The following OR8I2 variants were observed in gnomAD, a reference collection of about 807,000 sequenced individuals.
OR8I2 encodes olfactory receptor family 8 subfamily I member 2.
For missense variants in OR8I2, 431 were observed against 368.3 expected, an observed-to-expected ratio of 1.17 and a Z score of -1.39; for synonymous variants, 158 against 142.8, an observed-to-expected ratio of 1.11 and a Z score of -0.76.
In OR8I2 at chr11:56,093,326, A is replaced by G; in HGVS notation, c.19A>G (p.Thr7Ala). 1 of 1,578,622 alleles carries G rather than the reference A, an allele frequency of 6.3e-7. No homozygotes were observed. The highest frequency in any genetic ancestry group is 8.6e-7 in the Non-Finnish European group (1 of 1,165,032). MAGNNF[T>A]EVTVFILSGF... ...GATGTAAATGGCTGGCAACAATTTC[A>G]CTGAGGTTACCGTCTTCATCCTCTC... is the stretch of plus-strand genomic sequence containing the variant. Residue 7 changes from threonine to alanine, a missense_variant, in exon 1 of 1, where the codon ACT becomes GCT. By Grantham distance (58) the Thr-to-Ala change is moderately conservative (BLOSUM62 0). Transcript: ENST00000302124.
rs748797357 is a variant in OR8I2, at chr11:56,093,581, A to G, written c.274A>G (p.Ile92Val). Residue 92 changes from isoleucine (I) to valine (V), a missense_variant, in exon 1 of 1, where the codon ATC becomes GTC. Coordinates refer to ENST00000302124, the MANE Select transcript of OR8I2 (RefSeq NM_001003750.1). ...GAATTTCCAATCCAATCGGAGATCC[A>G]TCTCCTTTGTTGGCTGCTTTGTTCA... ...LVNFQSNRRS[I>V]SFVGCFVQMY... The G allele has an allele frequency of 6.2e-7, 1 of 1,613,834 alleles. No individual in the cohort carries two copies. Among genetic ancestry groups the G allele is most frequent in the African/African-American group, 1.3e-5 (1 of 74,928 alleles).
Position 56,094,063 on chromosome 11 carries a change from G to A in OR8I2, c.756G>A (p.Gly252=), listed in dbSNP as rs1401881810. 5.0e-6 allele frequency: 8 copies of A among 1,613,892 alleles called. No homozygotes were observed. Among genetic ancestry groups the A allele is most frequent in the Non-Finnish European group, 6.8e-6 (8 of 1,179,980 alleles). ...SHLMAVTIFY[G]SLIFTYLQPD... is the part of the protein sequence containing the mutation. ...TCATGGCTGTAACTATCTTTTATGG[G>A]TCTCTGATTTTCACCTATTTGCAAC... The change falls in exon 1 of 1, where the codon GGG becomes GGA. Residue 252 remains glycine (G), a synonymous_variant. Transcript: ENST00000302124.
In OR8I2 at chr11:56,093,649, TC is replaced by T; in HGVS notation, c.343del (p.Leu115TrpfsTer10). ...GATTGGTGTGTTGTGAGTGTTTCCT[TC>T]TGGGATCAATGGCCTACAATCGCTA... ...VGLVCCECFLLGSMAYNRYIA... is the reference protein window; with the variant it reads ...VGLVCCECFLXGSMAYNRYIA... On this transcript the variant is annotated frameshift_variant, in exon 1 of 1. Coordinates refer to ENST00000302124, the MANE Select transcript of OR8I2 (RefSeq NM_001003750.1). LOFTEE classifies it low-confidence loss of function (END_TRUNC). The T allele has an allele frequency of 6.2e-7, 1 of 1,614,016 alleles. No homozygotes were observed. Among genetic ancestry groups the T allele is most frequent in the Non-Finnish European group, 8.5e-7 (1 of 1,179,972 alleles).
Position 56,093,842 on chromosome 11 carries a change from G to T in OR8I2, c.535G>T (p.Asp179Tyr), listed in dbSNP as rs140511525. Residue 179 changes from aspartate (D) to tyrosine (Y), a missense_variant, in exon 1 of 1, where the codon GAC becomes TAC. Physicochemically the swap from Asp to Tyr is radical, Grantham distance 160. Transcript: ENST00000302124. ...TTCCAGCATCAATCATTTTTTTTGTGACACCACAGCTCTTTTAGCACTCTC... is the reference window on the plus strand; with the variant it reads ...TTCCAGCATCAATCATTTTTTTTGTTACACCACAGCTCTTTTAGCACTCTC... Reference protein sequence around the residue: ...CDSSINHFFCDTTALLALSCV... With the variant: ...CDSSINHFFCYTTALLALSCV... The T allele has an allele frequency of 1.2e-6, 2 of 1,613,846 alleles. No individual in the cohort carries two copies. Among genetic ancestry groups the T allele is most frequent in the Admixed American group, 3.3e-5 (2 of 59,962 alleles).
chr11:56,093,810 T>G lies in OR8I2; in HGVS notation c.503T>G (p.Phe168Cys). The change falls in exon 1 of 1, where the codon TTC becomes TGC. Residue 168 changes from phenylalanine to cysteine, a missense_variant. Physicochemically the swap from Phe to Cys is radical, Grantham distance 205. Transcript: ENST00000302124. ...GTCTGGGTGATAAGCAGTTTGGCGT[T>G]CTGTGATTCCAGCATCAATCATTTT... ...ISVWVISSLA[F>C]CDSSINHFFC... 1.2e-6 allele frequency: 2 copies of G among 1,613,856 alleles called. No individual in the cohort carries two copies. Among genetic ancestry groups the G allele is most frequent in the Non-Finnish European group, 1.7e-6 (2 of 1,179,850 alleles).
rs138809986 is a variant in OR8I2 at position 56,093,841 on chromosome 11, T to G, written c.534T>G (p.Cys178Trp). The G allele has an allele frequency of 6.2e-7, 1 of 1,614,064 alleles. No individual in the cohort carries two copies. Among genetic ancestry groups the G allele is most frequent in the Non-Finnish European group, 8.5e-7 (1 of 1,179,976 alleles). The change falls in exon 1 of 1, where the codon TGT (cysteine) becomes TGG (tryptophan). Residue 178 changes from cysteine (C) to tryptophan (W), a missense_variant. Physicochemically the swap from Cys to Trp is radical, Grantham distance 215. Coordinates refer to ENST00000302124, the MANE Select transcript of OR8I2 (RefSeq NM_001003750.1). Reference protein sequence around the residue: ...FCDSSINHFFCDTTALLALSC... With the variant: ...FCDSSINHFFWDTTALLALSC... ...ATTCCAGCATCAATCATTTTTTTTG[T>G]GACACCACAGCTCTTTTAGCACTCT...
Position 56,093,702 on chromosome 11 carries a change from A to G in OR8I2, c.395A>G (p.Tyr132Cys). Residue 132 changes from tyrosine (Y) to cysteine (C), a missense_variant, in exon 1 of 1, where the codon TAT becomes TGT. Physicochemically the swap from Tyr to Cys is radical, Grantham distance 194 (BLOSUM62 -2). Coordinates refer to ENST00000302124, the MANE Select transcript of OR8I2 (RefSeq NM_001003750.1). ...ATAGCAATCTGCAATCCCTTACTGT[A>G]TTCAGTAGTCATGTCCCAAAAAGTG... ...RYIAICNPLL[Y>C]SVVMSQKVSN... The G allele has an allele frequency of 3.7e-6, 6 of 1,613,976 alleles. No homozygotes were observed. The highest frequency in any genetic ancestry group is 5.1e-6 in the Non-Finnish European group (6 of 1,179,936).
At position 56,093,591 on chromosome 11, in the gene OR8I2, T is replaced by C; in HGVS notation, c.284T>C (p.Val95Ala). Residue 95 changes from valine to alanine, a missense_variant, in exon 1 of 1, where the codon GTT becomes GCT. Transcript: ENST00000302124. ...TCCAATCGGAGATCCATCTCCTTTG[T>C]TGGCTGCTTTGTTCAAATGTACTTT... ...FQSNRRSISF[V>A]GCFVQMYFFV... 1 of 1,614,002 alleles carries C rather than the reference T, an allele frequency of 6.2e-7. No homozygotes were observed. The highest frequency in any genetic ancestry group is 8.5e-7 in the Non-Finnish European group (1 of 1,179,978).
Position 56,093,384 on chromosome 11 carries a change from GT to G in OR8I2, c.78del (p.Leu27PhefsTer3). 6.2e-7 allele frequency: 1 copy of G among 1,613,218 alleles called. No individual in the cohort carries two copies. Among genetic ancestry groups the G allele is most frequent in the Non-Finnish European group, 8.5e-7 (1 of 1,179,584 alleles). ...GCAAATCACCCTGAATTACAAGTCA[GT>G]CTTTTCTTGATGTTTCTCTTCATTT... ...GFANHPELQV[S>X]LFLMFLFIYL... On this transcript the variant is annotated frameshift_variant, in exon 1 of 1. Coordinates refer to ENST00000302124, the MANE Select transcript of OR8I2 (RefSeq NM_001003750.1). LOFTEE classifies it low-confidence loss of function (END_TRUNC).
chr11:56,093,581 A>T lies in OR8I2; in HGVS notation c.274A>T (p.Ile92Phe), dbSNP rs748797357. Residue 92 changes from isoleucine (I) to phenylalanine (F), a missense_variant, in exon 1 of 1, where the codon ATC (isoleucine) becomes TTC (phenylalanine). Ile to Phe is a conservative substitution (Grantham distance 21, BLOSUM62 0). Transcript: ENST00000302124. ...GAATTTCCAATCCAATCGGAGATCCATCTCCTTTGTTGGCTGCTTTGTTCA... is the reference window on the plus strand; with the variant it reads ...GAATTTCCAATCCAATCGGAGATCCTTCTCCTTTGTTGGCTGCTTTGTTCA... Reference protein sequence around the residue: ...LVNFQSNRRSISFVGCFVQMY... With the variant: ...LVNFQSNRRSFSFVGCFVQMY... The T allele has an allele frequency of 6.2e-7, 1 of 1,613,952 alleles. No homozygotes were observed. Among genetic ancestry groups the T allele is most frequent in the Non-Finnish European group, 8.5e-7 (1 of 1,179,962 alleles).
chr11:56,093,869 T>C lies in OR8I2; in HGVS notation c.562T>C (p.Cys188Arg). 1 of 1,614,052 alleles carries C rather than the reference T, an allele frequency of 6.2e-7. No homozygotes were observed. The highest frequency in any genetic ancestry group is 1.3e-5 in the African/African-American group (1 of 75,052). Residue 188 changes from cysteine to arginine, a missense_variant, in exon 1 of 1, where the codon TGT (cysteine) becomes CGT (arginine). Coordinates refer to ENST00000302124, the MANE Select transcript of OR8I2 (RefSeq NM_001003750.1). ...CACCACAGCTCTTTTAGCACTCTCC[T>C]GTGTAGATACATTCGGCACAGAAAT... ...CDTTALLALS[C>R]VDTFGTEMVS...
Position 56,093,689 on chromosome 11 carries a change from A to C in OR8I2, c.382A>C (p.Asn128His). ...MAYNRYIAIC[N>H]PLLYSVVMSQ... ...CTACAATCGCTACATAGCAATCTGC[A>C]ATCCCTTACTGTATTCAGTAGTCAT... Residue 128 changes from asparagine to histidine, a missense_variant, in exon 1 of 1, where the codon AAT becomes CAT. Physicochemically the swap from Asn to His is moderately conservative, Grantham distance 68. Transcript: ENST00000302124. The C allele has an allele frequency of 6.2e-7, 1 of 1,614,024 alleles. No homozygotes were observed. Among genetic ancestry groups the C allele is most frequent in the Non-Finnish European group, 8.5e-7 (1 of 1,179,938 alleles).
Position 56,094,047 on chromosome 11 carries a change from T to A in OR8I2, c.740T>A (p.Val247Glu). 1 of 1,614,032 alleles carries A rather than the reference T, an allele frequency of 6.2e-7. No homozygotes were observed. Among genetic ancestry groups the A allele is most frequent in the Non-Finnish European group, 8.5e-7 (1 of 1,180,000 alleles). Residue 247 changes from valine to glutamate, a missense_variant, in exon 1 of 1, where the codon GTA (valine) becomes GAA (glutamate). Coordinates refer to ENST00000302124, the MANE Select transcript of OR8I2 (RefSeq NM_001003750.1). ...ACCTGCGCATCCCACCTCATGGCTG[T>A]AACTATCTTTTATGGGTCTCTGATT... ...FSTCASHLMA[V>E]TIFYGSLIFT... is the part of the protein sequence containing the mutation.
rs138846423 is a variant in OR8I2 at position 56,093,572 on chromosome 11, C to A, written c.265C>A (p.Arg89=). 791 of 1,613,970 alleles carry A rather than the reference C, an allele frequency of 4.9e-4. No homozygotes were observed. The highest frequency in any genetic ancestry group is 6.3e-4 in the Non-Finnish European group (740 of 1,179,960). ...PKALVNFQSN[R]RSISFVGCFV... is the part of the protein sequence containing the mutation. ...GGCATTGGTGAATTTCCAATCCAAT[C>A]GGAGATCCATCTCCTTTGTTGGCTG... The change falls in exon 1 of 1, where the codon CGG becomes AGG. Residue 89 remains arginine (R), a synonymous_variant. Transcript: ENST00000302124.
chr11:56,093,419 A>G lies in OR8I2; in HGVS notation c.112A>G (p.Thr38Ala). The part of the protein sequence containing the change: ...FLMFLFIYLF[T>A]VLGNLGLITL... ...GATGTTTCTCTTCATTTATCTATTC[A>G]CTGTTTTGGGAAACCTGGGACTGAT... Residue 38 changes from threonine (T) to alanine (A), a missense_variant, in exon 1 of 1, where the codon ACT (threonine) becomes GCT (alanine). By Grantham distance (58) the Thr-to-Ala change is moderately conservative. Transcript: ENST00000302124. 1.9e-6 allele frequency: 3 copies of G among 1,613,714 alleles called. No individual in the cohort carries two copies. The highest frequency in any genetic ancestry group is 2.2e-5 in the East Asian group (1 of 44,846).
chr11:56,093,472 T>A lies in OR8I2; in HGVS notation c.165T>A (p.Leu55=). The change falls in exon 1 of 1, where the codon CTT becomes CTA. Residue 55 remains leucine, a synonymous_variant. Coordinates refer to ENST00000302124, the MANE Select transcript of OR8I2 (RefSeq NM_001003750.1). ...CGTTAATCAGAATGGATTCTCAGCT[T>A]CACACCCCTATGTACTTTTTCCTGA... is the stretch of plus-strand genomic sequence containing the variant. The part of the protein sequence containing the change: ...LITLIRMDSQ[L]HTPMYFFLSN... 6.2e-7 allele frequency: 1 copy of A among 1,613,966 alleles called. No homozygotes were observed. The highest frequency in any genetic ancestry group is 8.5e-7 in the Non-Finnish European group (1 of 1,179,908).
In OR8I2 at chr11:56,093,406, C is replaced by T. The variant is rs200412583; in HGVS notation, c.99C>T (p.Phe33=). The change falls in exon 1 of 1, where the codon TTC becomes TTT. Residue 33 remains phenylalanine (F), a synonymous_variant. Coordinates refer to ENST00000302124, the MANE Select transcript of OR8I2 (RefSeq NM_001003750.1). ...LQVSLFLMFL[F]IYLFTVLGNL... ...TCAGTCTTTTCTTGATGTTTCTCTT[C>T]ATTTATCTATTCACTGTTTTGGGAA... 31 of 1,613,612 alleles carry T rather than the reference C, an allele frequency of 1.9e-5. No individual in the cohort carries two copies. Among genetic ancestry groups the T allele is most frequent in the African/African-American group, 2.7e-5 (2 of 74,890 alleles).
chr11:56,093,487 C>A lies in OR8I2; in HGVS notation c.180C>A (p.Tyr60Ter). Reference protein sequence around the residue: ...RMDSQLHTPMYFFLSNLAFID... With the variant: ...RMDSQLHTPM ...ATTCTCAGCTTCACACCCCTATGTA[C>A]TTTTTCCTGAGCAATTTAGCATTTA... The change falls in exon 1 of 1, where the codon TAC becomes TAA. Residue 60 changes from tyrosine (Y) to a stop codon, truncating the protein, a stop_gained. Coordinates refer to ENST00000302124, the MANE Select transcript of OR8I2 (RefSeq NM_001003750.1). LOFTEE classifies it low-confidence loss of function (END_TRUNC). The A allele has an allele frequency of 1.9e-6, 3 of 1,613,868 alleles. No homozygotes were observed. The highest frequency in any genetic ancestry group is 2.5e-6 in the Non-Finnish European group (3 of 1,179,884).
chr11:56,093,884 G>A lies in OR8I2; in HGVS notation c.577G>A (p.Gly193Ser), dbSNP rs751024343. 35 of 1,613,676 alleles carry A rather than the reference G, an allele frequency of 2.2e-5. No individual in the cohort carries two copies. The highest frequency in any genetic ancestry group is 1.7e-4 in the Admixed American group (10 of 59,886). ...AGCACTCTCCTGTGTAGATACATTC[G>A]GCACAGAAATGGTGAGCTTTGTCTT... ...LLALSCVDTF[G>S]TEMVSFVLAG... Residue 193 changes from glycine to serine, a missense_variant, in exon 1 of 1, where the codon GGC becomes AGC. Transcript: ENST00000302124.
Sources: allele counts gnomAD v4.1 joint callset, GRCh38; gene constraint gnomAD v4.1.1; transcripts MANE v1.5; gene names NCBI Gene and HGNC (gene_info 2026-07-23, HGNC 2026-07-21).